The following CYP7A1 variants were observed in gnomAD, a reference collection of about 807,000 sequenced individuals.
CYP7A1 encodes cytochrome P450 family 7 subfamily A member 1.
Under a neutral mutation model 43.8 loss-of-function variants are expected in CYP7A1, and 28 were observed. That is an observed-to-expected ratio of 0.64 (90% CI 0.47 to 0.88). The LOEUF (loss-of-function observed/expected upper bound fraction) is 0.88, where lower values mean the gene tolerates loss of function less well. Among genes scored for constraint, CYP7A1 ranks in the 40% least tolerant of loss-of-function variants. CYP7A1 has a pLI of 0.00. For synonymous variants in CYP7A1, 227 were observed against 222.5 expected (o/e 1.02, Z -0.18); for missense variants, 637 against 611.9 (o/e 1.04, Z -0.43).
At position 58,492,376 on chromosome 8, in the gene CYP7A1, G is replaced by C. The variant is rs142708991; in HGVS notation, c.1192C>G (p.Pro398Ala). Residue 398 changes from proline (P) to alanine (A), a missense_variant, in exon 5 of 6, where the codon CCA becomes GCA. Coordinates refer to ENST00000301645, the MANE Select transcript of CYP7A1 (RefSeq NM_000780.4). ...ACCAAAGGGTCTGGGTAGATTTCTG[G>C]ATCTAAGTGCATTAACTGTGGGTAA... The part of the protein sequence containing the change: ...ALYPQLMHLD[P>A]EIYPDPLTFK... 6,986 of 1,613,906 alleles carry C rather than the reference G, an allele frequency of 4.3e-3. 21 individuals carry two copies. Among genetic ancestry groups the C allele is most frequent in the Non-Finnish European group, 4.9e-3 (5,731 of 1,179,856 alleles).
At position 58,496,867 on chromosome 8, in the gene CYP7A1, G is replaced by A. The variant is rs1585643802; in HGVS notation, c.645C>T (p.Val215=). The A allele has an allele frequency of 1.2e-6, 2 of 1,614,222 alleles. No individual in the cohort carries two copies. Among genetic ancestry groups the A allele is most frequent in the East Asian group, 4.5e-5 (2 of 44,888 alleles). ...GGAGGCCTGCTACCAGGGCTGGAAA[G>A]ACTTTGTCGAATTGCTTGAAGTTGT... ...NLDNFKQFDK[V]FPALVAGLPI... is the part of the protein sequence containing the mutation. The change falls in exon 3 of 6, where the codon GTC becomes GTT. Residue 215 remains valine (V), a synonymous_variant. Coordinates refer to ENST00000301645, the MANE Select transcript of CYP7A1 (RefSeq NM_000780.4).
intron 3 of CYP7A1, among the ~76,000 whole-genome samples, chr8:58,494,875 C>T (rs1229192905): frequency 6.6e-6 from 1 of 152,094 alleles, no homozygotes; most frequent in African/African-American, 2.4e-5. Flanking sequence ...GTGGCACACG[C>T]CTGTAATCCC....
intron 2 of CYP7A1, 30 bp downstream of exon 2, chr8:58,498,199 A>G (rs771340637): frequency 3.3e-5 from 53 of 1,612,366 alleles, no homozygotes; most frequent in Non-Finnish European, 4.2e-5. Flanking sequence ...GAAGACAAAC[A>G]GAATGGTATA....
At position 58,496,741 on chromosome 8, in the gene CYP7A1, G is replaced by A. The variant is rs776464588; in HGVS notation, c.771C>T (p.Ile257=). The A allele has an allele frequency of 6.2e-7, 1 of 1,614,196 alleles. No individual in the cohort carries two copies. The highest frequency in any genetic ancestry group is 2.2e-5 in the East Asian group (1 of 44,870). Reference sequence around the variant, plus strand: ...TGTCATTGAGAAACATGCGCAGGCTGATCAGTTCTGAGATGCTTTCCCTCT... The same window carrying A: ...TGTCATTGAGAAACATGCGCAGGCTAATCAGTTCTGAGATGCTTTCCCTCT... The part of the protein sequence containing the change: ...LQKRESISEL[I]SLRMFLNDTL... Residue 257 remains isoleucine, a synonymous_variant, in exon 3 of 6, where the codon ATC becomes ATT. Transcript: ENST00000301645.
Position 58,491,778 on chromosome 8 carries a change from C to A in CYP7A1, c.1216-4G>T, listed in dbSNP as rs772113117. Reference sequence around the variant, plus strand: ...GATACCTATCATATTTAAAAGTCTGCAATAAAAATACAAAGAAAACCGCCT... The same window carrying A: ...GATACCTATCATATTTAAAAGTCTGAAATAAAAATACAAAGAAAACCGCCT... On this transcript the variant is annotated splice_region_variant and splice_polypyrimidine_tract_variant and intron_variant, in intron 5 of 5. Coordinates refer to ENST00000301645, the MANE Select transcript of CYP7A1 (RefSeq NM_000780.4). 9 of 1,611,536 alleles carry A rather than the reference C, an allele frequency of 5.6e-6. No individual in the cohort carries two copies. The East Asian group carries it at 2.0e-4, about 36-fold the overall frequency.
At position 58,491,705 on chromosome 8, in the gene CYP7A1, T is replaced by G. The variant is rs376754937; in HGVS notation, c.1285A>C (p.Lys429Gln). The change falls in exon 6 of 6, where the codon AAG (lysine) becomes CAG (glutamine). Residue 429 changes from lysine (K) to glutamine (Q), a missense_variant. Physicochemically the swap from Lys to Gln is moderately conservative, Grantham distance 53 (BLOSUM62 1). Transcript: ENST00000301645. The part of the protein sequence containing the change: ...TKTTFYCNGL[K>Q]LKYYYMPFGS... ...AAGGGCATGTAGTAATACTTTAACT[T>G]GAGTCCATTACAATAGAAGGTAGTC... 2.5e-6 allele frequency: 4 copies of G among 1,613,530 alleles called. No individual in the cohort carries two copies. The highest frequency in any genetic ancestry group is 1.7e-5 in the Admixed American group (1 of 60,008).
chr8:58,493,507 CA>C (rs561395987), intron 4 of CYP7A1, among the ~76,000 whole-genome samples: 11 of 152,106 alleles, frequency 7.2e-5, no homozygotes, highest in Non-Finnish European at 1.5e-4. Context: ...CTTTAACTGT[CA>C]TGTTTTAGGG....
chr8:58,494,915 C>A (rs759475622), intron 3 of CYP7A1, among the ~76,000 whole-genome samples: 9 of 152,154 alleles, frequency 5.9e-5, no homozygotes, highest in Admixed American at 1.3e-4. Flanking sequence ...GCGGGCGGAT[C>A]ATGAGGTCAG....
chr8:58,496,983 G>A lies in CYP7A1; in HGVS notation c.529C>T (p.Arg177Ter), dbSNP rs761938421. The change falls in exon 3 of 6, where the codon CGA (arginine) becomes TGA (stop). Residue 177 changes from arginine to a stop codon, truncating the protein, a stop_gained. Coordinates refer to ENST00000301645, the MANE Select transcript of CYP7A1 (RefSeq NM_000780.4). LOFTEE classifies it high-confidence loss of function. ...AAATACCCAGCTTCAAACATCACTCGGTAGCAGAAAGAATACATCCCTTCT... is the reference window on the plus strand; with the variant it reads ...AAATACCCAGCTTCAAACATCACTCAGTAGCAGAAAGAATACATCCCTTCT... ...VTEGMYSFCY[R>*]VMFEAGYLTI... is the part of the protein sequence containing the mutation. 6.8e-6 allele frequency: 11 copies of A among 1,614,004 alleles called. No homozygotes were observed. Among genetic ancestry groups the A allele is most frequent in the South Asian group, 1.1e-5 (1 of 91,080 alleles).
chr8:58,491,454 C>T lies in CYP7A1; in HGVS notation c.*21G>A. 1 of 1,607,932 alleles carries T rather than the reference C, an allele frequency of 6.2e-7. No individual in the cohort carries two copies. Among genetic ancestry groups the T allele is most frequent in the Non-Finnish European group, 8.5e-7 (1 of 1,175,016 alleles). ...GCAGTCCTGTAATATCATCTAGTGT[C>T]CTCTTATTCCAGCCATGTATTCACA... On this transcript the variant is annotated 3_prime_UTR_variant, in exon 6 of 6. Coordinates refer to ENST00000301645, the MANE Select transcript of CYP7A1 (RefSeq NM_000780.4).
In CYP7A1 at chr8:58,492,457, T is replaced by A; in HGVS notation, c.1111A>T (p.Thr371Ser). The A allele has an allele frequency of 6.2e-7, 1 of 1,614,012 alleles. No individual in the cohort carries two copies. The highest frequency in any genetic ancestry group is 1.1e-5 in the South Asian group (1 of 91,072). Residue 371 changes from threonine to serine, a missense_variant, in exon 5 of 6, where the codon ACT becomes TCT. By Grantham distance (58) the Thr-to-Ser change is moderately conservative (BLOSUM62 1). Transcript: ENST00000301645. ...LNIRTAKEDF[T>S]LHLEDGSYNI... ...TAGGAACCGTCCTCAAGGTGCAAAG[T>A]GAAATCCTCCTTAGCTGTCCGGATG...
rs540351464 is a variant in CYP7A1, at chr8:58,496,460, T to C, written c.908+144A>G. 2.3e-5 allele frequency: 15 copies of C among 656,884 alleles called. No individual in the cohort carries two copies. In the East Asian group the frequency reaches 2.7e-4, roughly 12 times the overall value. The allele number at this position is 656,884 out of a possible 1,614,324, so 40.7% of individuals were successfully genotyped here. On this transcript the variant is annotated intron_variant, in intron 3 of 5. Coordinates refer to ENST00000301645, the MANE Select transcript of CYP7A1 (RefSeq NM_000780.4). ...TCTGCGGACTGAATGAACTCATATATGTTAAACACTAACATGCATTAGTGC... is the reference window on the plus strand; with the variant it reads ...TCTGCGGACTGAATGAACTCATATACGTTAAACACTAACATGCATTAGTGC...
intron 1 of CYP7A1, among the ~76,000 whole-genome samples, chr8:58,499,290 G>A (rs1318077255): frequency 6.6e-6 from 1 of 152,138 alleles, no homozygotes; most frequent in African/African-American, 2.4e-5. Flanking sequence ...GCTGAAAGAT[G>A]GTTAGGGTTA....
At chr8:58,496,265 T>G (rs994728153) in intron 3 of CYP7A1, among the ~76,000 whole-genome samples, 7 of 152,222 alleles carry the variant, frequency 4.6e-5, no homozygotes, top group African/African-American at 1.4e-4. Flanking sequence ...GGAGTGGAGT[T>G]GGCGTCGTGA....
In CYP7A1 at chr8:58,498,251, A is replaced by C. The variant is rs200836103; in HGVS notation, c.299T>G (p.Phe100Cys). ...CHGKYFDWKK[F>C]HFATSAKAFG... Reference sequence around the variant, plus strand: ...TACCTTCGCAGAAGTAGCAAAGTGAAATTTTTTCCAATCAAAATATTTTCC... The same window carrying C: ...TACCTTCGCAGAAGTAGCAAAGTGACATTTTTTCCAATCAAAATATTTTCC... Residue 100 changes from phenylalanine to cysteine, a missense_variant, in exon 2 of 6, where the codon TTT (phenylalanine) becomes TGT (cysteine). Phe to Cys is a radical substitution (Grantham distance 205). Transcript: ENST00000301645. 1.2e-6 allele frequency: 2 copies of C among 1,614,160 alleles called. No homozygotes were observed. Among genetic ancestry groups the C allele is most frequent in the Admixed American group, 1.7e-5 (1 of 60,020 alleles).
chr8:58,492,284 A>C, intron 5 of CYP7A1, 69 bp downstream of exon 5: 1 of 1,223,318 alleles, frequency 8.2e-7, no homozygotes, highest in Non-Finnish European at 1.2e-6. Flanking sequence ...CTACCATTGT[A>C]AATTTCCTCT....
chr8:58,494,384 A>G (rs546018615), intron 4 of CYP7A1, 122 bp downstream of exon 4: 6 of 1,080,978 alleles, frequency 5.6e-6, no homozygotes, highest in African/African-American at 4.7e-5. Flanking sequence ...ATTAACCGAG[A>G]AAACTCATAT....
In CYP7A1 at chr8:58,491,696, A is replaced by G; in HGVS notation, c.1294T>C (p.Tyr432His). Residue 432 changes from tyrosine (Y) to histidine (H), a missense_variant, in exon 6 of 6, where the codon TAT becomes CAT. Tyr to His is a moderately conservative substitution (Grantham distance 83). Coordinates refer to ENST00000301645, the MANE Select transcript of CYP7A1 (RefSeq NM_000780.4). ...TFYCNGLKLK[Y>H]YYMPFGSGAT... ...CCCGATCCAAAGGGCATGTAGTAAT[A>G]CTTTAACTTGAGTCCATTACAATAG... 1.2e-6 allele frequency: 2 copies of G among 1,613,714 alleles called. No individual in the cohort carries two copies. Among genetic ancestry groups the G allele is most frequent in the Middle Eastern group, 1.6e-4 (1 of 6,062 alleles).
At chr8:58,497,327 A>G (rs1809461462) in intron 2 of CYP7A1, 137 bp from the exon 3 acceptor site, 2 of 760,504 alleles carry the variant, frequency 2.6e-6, no homozygotes, top group African/African-American at 3.4e-5. Flanking sequence ...GTACAAGTTC[A>G]TAGCACTTTA....
Sources: allele counts gnomAD v4.1 joint callset (sites outside exome capture counted in the v4.1 genomes callset), GRCh38; gene constraint gnomAD v4.1.1; transcripts MANE v1.5; gene names NCBI Gene and HGNC (gene_info 2026-07-23, HGNC 2026-07-21).